Variants in FAM149A observed in about 807,000 individuals in gnomAD.
The protein encoded by FAM149A is family with sequence similarity 149 member A, also known as protein FAM149A.
Under a neutral mutation model 78.2 loss-of-function variants are expected in FAM149A, and 71 were observed. The observed-to-expected ratio is 0.91, with a 90% CI of 0.75 to 1.11. FAM149A has a LOEUF of 1.11. Among genes scored for constraint, FAM149A ranks in the 50% least tolerant of loss-of-function variants. FAM149A has a pLI of 0.00. For synonymous variants in FAM149A, 446 were observed against 410.5 expected (o/e 1.09, Z -1.04); for missense variants, 1,036 against 971.0 (o/e 1.07, Z -0.89).
intron 1 of FAM149A, chr4:186,123,131 T>C: frequency 1.4e-6 from 1 of 696,570 alleles, no homozygotes; most frequent in South Asian, 6.5e-5. Flanking sequence ...CAAACACTGG[T>C]CATTCTGATG....
intron 1 of FAM149A, among the ~76,000 whole-genome samples, chr4:186,136,857 G>A (rs62348059): frequency 7.2e-5 from 11 of 152,120 alleles, no homozygotes; most frequent in African/African-American, 1.9e-4. Flanking sequence ...GTCTGTGCCC[G>A]AGTTTTCTCA....
In FAM149A at chr4:186,173,571, G is replaced by A. The variant is rs191238209; in HGVS notation, c.*1584G>A. 2.1e-3 allele frequency among the ~76,000 whole-genome samples: 234 copies of A among 110,914 alleles called. 49 individuals carry two copies. Among genetic ancestry groups the A allele is most frequent in the Middle Eastern group, 9.7e-3 (2 of 206 alleles). 72.8% of individuals were successfully genotyped at this position (110,914 alleles called of 152,430 possible). ...AGGGTTTCACCATGTTAGCCAGGCC[G>A]GTGTTGAACTCCTGACCTCAGGTGA... is the stretch of plus-strand genomic sequence containing the variant. On this transcript the variant is annotated 3_prime_UTR_variant, in exon 14 of 14. Coordinates refer to ENST00000389354, the MANE Select transcript of FAM149A (RefSeq NM_001367768.3).
chr4:186,109,762 CAG>C (rs1180581132), intron 1 of FAM149A: 49 of 981,732 alleles, frequency 5.0e-5, no homozygotes, highest in Non-Finnish European at 5.7e-5. Context: ...GAAGAAAAAA[CAG>C]AGAAAAATGA....
In FAM149A at chr4:186,104,754, C is replaced by CGGCGGGCGTCTGG. The variant is rs1554066105; in HGVS notation, c.-315_-314insTCTGGGGCGGGCG. On this transcript the variant is annotated 5_prime_UTR_variant, in exon 1 of 14. Transcript: ENST00000389354. Reference sequence around the variant, plus strand: ...GAACGTAGCAACCGCGGGCGGCGGGCGGCGGGCGGCGGGCGTCTGGGGCGG... The same window carrying CGGCGGGCGTCTGG: ...GAACGTAGCAACCGCGGGCGGCGGGCGGCGGGCGTCTGGGGCGGGCGGCGGGCGTCTGGGGCGG... 4.8e-5 allele frequency among the ~76,000 whole-genome samples: 5 copies of CGGCGGGCGTCTGG among 103,420 alleles called. No homozygotes were observed. The highest frequency in any genetic ancestry group is 3.2e-4 in the South Asian group (1 of 3,092). 67.8% of individuals were successfully genotyped at this position (103,420 alleles called of 152,430 possible).
intron 1 of FAM149A, among the ~76,000 whole-genome samples, chr4:186,131,651 C>T (rs2099320792): frequency 6.6e-6 from 1 of 152,222 alleles, no homozygotes; most frequent in Admixed American, 6.5e-5. Flanking sequence ...AAGTGGAAGA[C>T]ACCTGATACC....
chr4:186,139,217 G>A lies in FAM149A; in HGVS notation c.567-9956G>A, dbSNP rs137997079. Among the ~76,000 whole-genome samples, 806 of 152,108 alleles carry A rather than the reference G, an allele frequency of 5.3e-3. 7 individuals carry two copies. The highest frequency in any genetic ancestry group is 0.018 in the African/African-American group (760 of 41,488). Reference sequence around the variant, plus strand: ...TTTTTGAGCACTTTCCTACAGTCTGGCAGTACAAGATGCTCCAGGTACATT... The same window carrying A: ...TTTTTGAGCACTTTCCTACAGTCTGACAGTACAAGATGCTCCAGGTACATT... On this transcript the variant is annotated intron_variant, in intron 1 of 13. Transcript: ENST00000389354.
At chr4:186,113,863 A>G (rs893949284) in intron 1 of FAM149A, among the ~76,000 whole-genome samples, 11 of 151,892 alleles carry the variant, frequency 7.2e-5, no homozygotes, top group Non-Finnish European at 1.3e-4. Context: ...AAAAAAATGT[A>G]TATTCTGTTG....
At chr4:186,137,420 A>G (rs1189626731) in intron 1 of FAM149A, among the ~76,000 whole-genome samples, 4 of 152,118 alleles carry the variant, frequency 2.6e-5, no homozygotes, top group African/African-American at 9.7e-5. Flanking sequence ...TGTGCATGGT[A>G]TGATATGTGC....
At chr4:186,156,909 G>A (rs10021291) in intron 7 of FAM149A, among the ~76,000 whole-genome samples, 135,089 of 151,892 alleles carry the variant, frequency 0.89, 60,187 homozygotes, top group African/African-American at 0.94. Context: ...CAGGAATTCA[G>A]TATTGAAAGT....
rs769177950 is a variant in FAM149A, at chr4:186,157,850, G to A, written c.1575+131G>A. ...CCACGCTGCCCGCAGAGGGGTCCAT[G>A]CAGGCTTTCCATGGTAACTTAAAGG... On this transcript the variant is annotated intron_variant, in intron 8 of 13. Coordinates refer to ENST00000389354, the MANE Select transcript of FAM149A (RefSeq NM_001367768.3). 3 of 1,553,042 alleles carry A rather than the reference G, an allele frequency of 1.9e-6. No homozygotes were observed. The African/African-American group carries it at 4.1e-5, about 21-fold the overall frequency.
intron 1 of FAM149A, among the ~76,000 whole-genome samples, chr4:186,148,288 G>T (rs952218127): frequency 2.0e-5 from 3 of 152,172 alleles, no homozygotes; most frequent in African/African-American, 7.2e-5. Flanking sequence ...GATCAATTAG[G>T]TAGCCTTATA....
chr4:186,163,639 T>G lies in FAM149A; in HGVS notation c.1889+6T>G. Reference sequence around the variant, plus strand: ...GTTCTTCGGGGAACAAAACTGTGAGTCTCATTTCTTTCATAGTAAACTAAA... The same window carrying G: ...GTTCTTCGGGGAACAAAACTGTGAGGCTCATTTCTTTCATAGTAAACTAAA... On this transcript the variant is annotated splice_donor_region_variant and intron_variant, in intron 10 of 13. Transcript: ENST00000389354. The G allele has an allele frequency of 6.2e-7, 1 of 1,608,528 alleles. No homozygotes were observed. The highest frequency in any genetic ancestry group is 1.1e-5 in the South Asian group (1 of 90,498).
At chr4:186,122,226 C>T (rs537368532) in intron 1 of FAM149A, among the ~76,000 whole-genome samples, 23 of 152,330 alleles carry the variant, frequency 1.5e-4, no homozygotes, top group African/African-American at 4.1e-4. Context: ...GTCTTTAAAA[C>T]TGTCAGTGTC....
chr4:186,105,703 T>G, intron 1 of FAM149A, 61 bp downstream of exon 1: 1 of 1,006,376 alleles, frequency 9.9e-7, no homozygotes. Context: ...CCCCTCCGCC[T>G]GCCGCACTCA....
chr4:186,164,405 C>G lies in FAM149A; in HGVS notation c.1889+772C>G. 1.0e-6 allele frequency: 1 copy of G among 961,900 alleles called. No individual in the cohort carries two copies. Among genetic ancestry groups the G allele is most frequent in the Non-Finnish European group, 1.2e-6 (1 of 808,614 alleles). 59.6% of individuals were successfully genotyped at this position (961,900 alleles called of 1,614,324 possible). On this transcript the variant is annotated intron_variant, in intron 10 of 13. Transcript: ENST00000389354. This position sits in a 1 kb window ranked among gnomAD's most constrained non-coding sequence, Gnocchi z 4.0. ...CAGGCTTTAGAGACCACCCACTGGA[C>G]CCCCGGCCTGCAGGGGAGCTGTTAT... is the stretch of plus-strand genomic sequence containing the variant.
At chr4:186,162,508 C>G (rs986025955) in intron 8 of FAM149A, among the ~76,000 whole-genome samples, 13 of 152,202 alleles carry the variant, frequency 8.5e-5, no homozygotes, top group Admixed American at 7.9e-4. Flanking sequence ...GGCTCTGCTT[C>G]CCTGCAGCCT....
Position 186,145,240 on chromosome 4 carries a change from C to T in FAM149A, c.567-3933C>T, listed in dbSNP as rs146306118. On this transcript the variant is annotated intron_variant, in intron 1 of 13. Coordinates refer to ENST00000389354, the MANE Select transcript of FAM149A (RefSeq NM_001367768.3). ...TGCAGGCACTCGGGAAGCGTCAGGC[C>T]GGCCCCGGGCATGGCTCACGCGGGG... 100 of 745,400 alleles carry T rather than the reference C, an allele frequency of 1.3e-4. 1 individual carries two copies. The African/African-American group carries it at 1.6e-3, about 12-fold the overall frequency. 46.2% of individuals were successfully genotyped at this position (745,400 alleles called of 1,614,324 possible).
intron 1 of FAM149A, among the ~76,000 whole-genome samples, chr4:186,111,001 A>G (rs1406744832): frequency 3.2e-5 from 4 of 125,364 alleles, no homozygotes; most frequent in Non-Finnish European, 4.9e-5. Context: ...ACTAGTTTAC[A>G]GTCCCACCAA....
intron 1 of FAM149A, among the ~76,000 whole-genome samples, chr4:186,133,435 A>G (rs2099321594): frequency 6.6e-6 from 1 of 152,114 alleles, no homozygotes; most frequent in African/African-American, 2.4e-5. Flanking sequence ...GGGACCTTAT[A>G]TATATAAGTG....
Sources: gnomAD v4.1 joint callset for allele counts (sites outside exome capture counted in the v4.1 genomes callset) on GRCh38, gnomAD v4.1.1 for gene constraint, Gnocchi (gnomAD v3.1) non-coding constraint, MANE v1.5 for transcripts, NCBI Gene and HGNC (gene_info 2026-07-23, HGNC 2026-07-21) for gene names.